Variants in CAMK1D observed in about 807,000 individuals in gnomAD.
CAMK1D encodes calcium/calmodulin dependent protein kinase ID, also known as calcium/calmodulin-dependent protein kinase type 1D.
In CAMK1D, 9 loss-of-function variants were observed where a neutral mutation model predicts 47.7. That is an observed-to-expected ratio of 0.19 (90% CI 0.11 to 0.33). The LOEUF is 0.33. Ranked by LOEUF, CAMK1D falls within the 10% of genes least tolerant of loss-of-function variation. The pLI, the probability that CAMK1D is intolerant of heterozygous loss-of-function variation, is 1.00. For synonymous variants in CAMK1D, 184 were observed against 184.9 expected (o/e 0.99, Z 0.04); for missense variants, 291 against 488.7 (o/e 0.60, Z 3.81).
At chr10:12,770,148 T>C (rs757433493) in intron 5 of CAMK1D, among the ~76,000 whole-genome samples, 1 of 152,198 alleles carries the variant, frequency 6.6e-6, no homozygotes, top group African/African-American at 2.4e-5. Flanking sequence ...AATGAGACAC[T>C]GAGATAACAG....
At chr10:12,387,686 C>T (rs953126084) in intron 1 of CAMK1D, among the ~76,000 whole-genome samples, 5 of 150,680 alleles carry the variant, frequency 3.3e-5, no homozygotes, top group Non-Finnish European at 7.4e-5. Flanking sequence ...GATGGGTTCT[C>T]GCTATGTTGC....
intron 1 of CAMK1D, among the ~76,000 whole-genome samples, chr10:12,469,528 A>G (rs1348481616): frequency 6.6e-6 from 1 of 152,194 alleles, no homozygotes; most frequent in African/African-American, 2.4e-5. Context: ...AGTCATGGCA[A>G]ATAAACAACC....
intron 3 of CAMK1D, among the ~76,000 whole-genome samples, chr10:12,739,882 A>G (rs556674842): frequency 6.6e-6 from 1 of 152,302 alleles, no homozygotes; most frequent in African/African-American, 2.4e-5. Context: ...TTAAAATAAG[A>G]CCAACAATAG....
chr10:12,584,464 A>G (rs1306036497), intron 2 of CAMK1D, among the ~76,000 whole-genome samples: 5 of 152,198 alleles, frequency 3.3e-5, no homozygotes, highest in South Asian at 4.1e-4. Flanking sequence ...CTCAGACTTT[A>G]TAACAACACA....
intron 1 of CAMK1D, among the ~76,000 whole-genome samples, chr10:12,526,259 G>C (rs1356221330): frequency 3.9e-5 from 6 of 152,324 alleles, no homozygotes; most frequent in Non-Finnish European, 7.3e-5. Flanking sequence ...TTGCTATGCT[G>C]TTTGTATCTG....
At chr10:12,733,737 A>T (rs557827758) in intron 3 of CAMK1D, among the ~76,000 whole-genome samples, 1 of 152,296 alleles carries the variant, frequency 6.6e-6, no homozygotes, top group East Asian at 1.9e-4. Context: ...GCGTGTTAGC[A>T]TTTCTTTGAG....
intron 6 of CAMK1D, among the ~76,000 whole-genome samples, chr10:12,807,067 T>C (rs927514156): frequency 6.6e-6 from 1 of 152,220 alleles, no homozygotes; most frequent in Non-Finnish European, 1.5e-5. Flanking sequence ...CCGGTTTTCA[T>C]GCATGTGCTG....
At chr10:12,515,901 G>A (rs888812381) in intron 1 of CAMK1D, among the ~76,000 whole-genome samples, 1 of 151,920 alleles carries the variant, frequency 6.6e-6, no homozygotes, top group Non-Finnish European at 1.5e-5. Context: ...GTGAGCCACC[G>A]TGCAGGGCCA....
chr10:12,605,337 A>AGTT (rs1838421670), intron 2 of CAMK1D, among the ~76,000 whole-genome samples: 1 of 145,102 alleles, frequency 6.9e-6, no homozygotes, highest in Non-Finnish European at 1.5e-5. Context: ...AAACCATTCA[A>AGTT]GTGTGTGTGT....
chr10:12,451,917 C>T (rs1833094575), intron 1 of CAMK1D, among the ~76,000 whole-genome samples: 1 of 152,268 alleles, frequency 6.6e-6, no homozygotes, highest in South Asian at 2.1e-4. Context: ...ACCGGGGTCC[C>T]AGGAACCAGA....
chr10:12,353,676 C>T (rs754153097), intron 1 of CAMK1D, among the ~76,000 whole-genome samples: 1 of 152,120 alleles, frequency 6.6e-6, no homozygotes, highest in Non-Finnish European at 1.5e-5. Flanking sequence ...CAGGGACAAA[C>T]CTTTCAACCT....
chr10:12,773,614 C>G (rs866479942), intron 5 of CAMK1D, among the ~76,000 whole-genome samples: 1 of 152,136 alleles, frequency 6.6e-6, no homozygotes, highest in East Asian at 1.9e-4. Context: ...AAATATGGGC[C>G]GGGGGCGGTG....
chr10:12,488,189 T>G (rs1834272694), intron 1 of CAMK1D, among the ~76,000 whole-genome samples: 1 of 152,062 alleles, frequency 6.6e-6, no homozygotes, highest in African/African-American at 2.4e-5. Flanking sequence ...GGGTGCAGAT[T>G]TTTTTTTCTG....
chr10:12,800,873 C>T (rs1485177775), intron 6 of CAMK1D, among the ~76,000 whole-genome samples: 2 of 152,212 alleles, frequency 1.3e-5, no homozygotes, highest in Non-Finnish European at 2.9e-5. Context: ...GAGGCAGCGT[C>T]TCCCTCTGTC....
At position 12,639,183 on chromosome 10, in the gene CAMK1D, G is replaced by A. The variant is rs562355473; in HGVS notation, c.225-27553G>A. Among the ~76,000 whole-genome samples, 9 of 152,326 alleles carry A rather than the reference G, an allele frequency of 5.9e-5. No individual in the cohort carries two copies. The East Asian group carries it at 1.7e-3, about 29-fold the overall frequency. ...TTTCCTGCTTTAGCAATATAGAGAA[G>A]CTTTTAAAAAGACCTAATCAGGCCG... On this transcript the variant is annotated intron_variant, in intron 2 of 10. Coordinates refer to ENST00000619168, the MANE Select transcript of CAMK1D (RefSeq NM_153498.4).
At chr10:12,763,603 A>G (rs1490224696) in intron 4 of CAMK1D, among the ~76,000 whole-genome samples, 3 of 152,182 alleles carry the variant, frequency 2.0e-5, no homozygotes, top group Non-Finnish European at 2.9e-5. Context: ...CATGGATACG[A>G]GTACTACGTC....
chr10:12,800,190 G>A (rs1395821642), intron 6 of CAMK1D, among the ~76,000 whole-genome samples: 2 of 152,126 alleles, frequency 1.3e-5, no homozygotes, highest in African/African-American at 4.8e-5. Context: ...CAAATATACG[G>A]TTACTGAAAT....
rs1193336378 is a variant in CAMK1D at position 12,828,788 on chromosome 10, C to G, written c.1059C>G (p.Leu353=). ...SQKDCLAPST[L]CSFISSSSGV... ...CTGCAGGTCTGGCACCTTCCACGCT[C>G]TGTAGTTTCATTTCTTCTTCGTCGG... is the stretch of plus-strand genomic sequence containing the variant. The change falls in exon 11 of 11, where the codon CTC becomes CTG. Residue 353 remains leucine (L), a synonymous_variant. Transcript: ENST00000619168. 6.2e-7 allele frequency: 1 copy of G among 1,613,856 alleles called. No homozygotes were observed. The highest frequency in any genetic ancestry group is 8.5e-7 in the Non-Finnish European group (1 of 1,179,850).
At chr10:12,406,314 A>G (rs910251976) in intron 1 of CAMK1D, among the ~76,000 whole-genome samples, 1 of 152,150 alleles carries the variant, frequency 6.6e-6, no homozygotes, top group African/African-American at 2.4e-5. Flanking sequence ...CCAAACACCA[A>G]AACAAATTCC....
Sources: allele counts gnomAD v4.1 joint callset (sites outside exome capture counted in the v4.1 genomes callset), GRCh38; gene constraint gnomAD v4.1.1; transcripts MANE v1.5; gene names NCBI Gene and HGNC (gene_info 2026-07-23, HGNC 2026-07-21).